The following GNPAT variants were observed in gnomAD, a reference collection of about 807,000 sequenced individuals.
GNPAT encodes dihydroxyacetone phosphate acyltransferase.
GNPAT carries 30 observed loss-of-function variants against 78.4 expected under a neutral mutation model. The ratio of observed to expected loss-of-function variants is 0.38; its 90% CI spans 0.29 to 0.52. The LOEUF is 0.52. Ranked by LOEUF, GNPAT falls within the 20% of genes least tolerant of loss-of-function variation. GNPAT has a pLI of 0.84. For missense variants in GNPAT, 714 were observed against 812.2 expected (o/e 0.88, Z 1.47); for synonymous variants, 271 against 281.1 (o/e 0.96, Z 0.36).
intron 1 of GNPAT, among the ~76,000 whole-genome samples, chr1:231,248,611 C>T (rs1684812940): frequency 6.6e-6 from 1 of 151,848 alleles, no homozygotes; most frequent in Non-Finnish European, 1.5e-5. Flanking sequence ...TGTAAGTAGA[C>T]CTGTGCAGTT....
intron 2 of GNPAT, among the ~76,000 whole-genome samples, chr1:231,254,214 C>T (rs1684979292): frequency 6.6e-6 from 1 of 152,224 alleles, no homozygotes; most frequent in Non-Finnish European, 1.5e-5. Context: ...TCTGACTTGG[C>T]TGTGCTGCTG....
Position 231,246,110 on chromosome 1 carries a change from G to A in GNPAT, c.78+4654G>A, listed in dbSNP as rs567143407. On this transcript the variant is annotated intron_variant, in intron 1 of 15. Transcript: ENST00000366647. ...CTTGAGATTATTTGTCTATCGTGCT[G>A]GAAGGTGGAGATCCTGTATCCTGTA... Among the ~76,000 whole-genome samples the A allele has an allele frequency of 2.0e-5, 3 of 152,266 alleles. No individual in the cohort carries two copies. In the South Asian group the frequency reaches 6.2e-4, roughly 32 times the overall value.
intron 8 of GNPAT, among the ~76,000 whole-genome samples, chr1:231,267,288 T>C (rs1051661488): frequency 3.3e-5 from 5 of 152,170 alleles, no homozygotes; most frequent in Admixed American, 6.5e-5. Flanking sequence ...AAAATAGTTA[T>C]TATATAATCT....
intron 11 of GNPAT, 111 bp from the exon 12 acceptor site, chr1:231,273,811 A>C (rs1685634354): frequency 2.4e-6 from 2 of 828,490 alleles, no homozygotes; most frequent in East Asian, 5.1e-5. Context: ...GTGGCTGCAT[A>C]TATTCAGATA....
At chr1:231,241,586 A>T (rs1206161162) in intron 1 of GNPAT, 130 bp downstream of exon 1, 1 of 744,808 alleles carries the variant, frequency 1.3e-6, no homozygotes, top group Non-Finnish European at 2.4e-6. Flanking sequence ...AGGAGGGGTT[A>T]GTTGGTTGGA....
chr1:231,253,354 A>C (rs1229894960), intron 2 of GNPAT, among the ~76,000 whole-genome samples: 1 of 152,228 alleles, frequency 6.6e-6, no homozygotes, highest in Non-Finnish European at 1.5e-5. Context: ...TTTGTTCTGC[A>C]ACTTCCTCTC....
At position 231,247,498 on chromosome 1, in the gene GNPAT, A is replaced by G. The variant is rs115755533; in HGVS notation, c.79-3463A>G. Among the ~76,000 whole-genome samples the G allele has an allele frequency of 7.9e-3, 1,203 of 152,294 alleles. 22 individuals carry two copies. Among genetic ancestry groups the G allele is most frequent in the African/African-American group, 0.027 (1,135 of 41,560 alleles). On this transcript the variant is annotated intron_variant, in intron 1 of 15. Coordinates refer to ENST00000366647, the MANE Select transcript of GNPAT (RefSeq NM_014236.4). ...AAGGAAAGGATGACCTGTTCAATCT[A>G]GGTAAAGGGGAGAACCAGAATATGG... is the stretch of plus-strand genomic sequence containing the variant.
chr1:231,263,376 C>A (rs1685277899), intron 4 of GNPAT, among the ~76,000 whole-genome samples: 2 of 152,152 alleles, frequency 1.3e-5, no homozygotes, highest in Non-Finnish European at 2.9e-5. Context: ...CTACCCTCCC[C>A]CTGACCCTGG....
At chr1:231,255,246 T>C (rs1182936892) in intron 2 of GNPAT, among the ~76,000 whole-genome samples, 1 of 152,104 alleles carries the variant, frequency 6.6e-6, no homozygotes, top group Non-Finnish European at 1.5e-5. Flanking sequence ...AACTTTGCTC[T>C]CCTGACTATC....
chr1:231,253,272 C>T (rs887447357), intron 2 of GNPAT, among the ~76,000 whole-genome samples: 1 of 152,128 alleles, frequency 6.6e-6, no homozygotes, highest in Admixed American at 6.5e-5. Context: ...CCCGGCCTAC[C>T]TCCAGTTTTT....
At chr1:231,246,273 G>C (rs894419198) in intron 1 of GNPAT, among the ~76,000 whole-genome samples, 1 of 152,166 alleles carries the variant, frequency 6.6e-6, no homozygotes, top group African/African-American at 2.4e-5. Context: ...CCCATATCAA[G>C]CGTTAAATGG....
intron 1 of GNPAT, 60 bp from the exon 2 acceptor site, chr1:231,250,901 T>C: frequency 9.1e-7 from 1 of 1,103,704 alleles, no homozygotes; most frequent in Non-Finnish European, 1.4e-6. Flanking sequence ...CAATGTAGTC[T>C]TTAATCTGTC....
chr1:231,277,516 G>A lies in GNPAT; in HGVS notation c.2017G>A (p.Gly673Arg). ...CATCTTAGGTTGTAAGACACCAATA[G>A]GAAAACCAGCCACTGCAAAACTTTA... is the stretch of plus-strand genomic sequence containing the variant. ...EEMLGCKTPI[G>R]KPATAKL is the part of the protein sequence containing the mutation. Residue 673 changes from glycine to arginine, a missense_variant, in exon 16 of 16, where the codon GGA becomes AGA. Gly to Arg is a moderately radical substitution (Grantham distance 125). Transcript: ENST00000366647. 6.3e-7 allele frequency: 1 copy of A among 1,596,252 alleles called. No homozygotes were observed. The highest frequency in any genetic ancestry group is 8.6e-7 in the Non-Finnish European group (1 of 1,163,740).
At chr1:231,254,107 C>G (rs1684976062) in intron 2 of GNPAT, among the ~76,000 whole-genome samples, 1 of 152,216 alleles carries the variant, frequency 6.6e-6, no homozygotes, top group Non-Finnish European at 1.5e-5. Flanking sequence ...CCACCATGCC[C>G]AGCCTTCTGC....
At chr1:231,254,736 T>C (rs1684998193) in intron 2 of GNPAT, among the ~76,000 whole-genome samples, 1 of 151,660 alleles carries the variant, frequency 6.6e-6, no homozygotes, top group East Asian at 1.9e-4. Context: ...GCGTGAGCCA[T>C]TGCGTCCGGC....
chr1:231,255,277 CTTCT>C (rs1685017710), intron 2 of GNPAT, among the ~76,000 whole-genome samples: 1 of 152,116 alleles, frequency 6.6e-6, no homozygotes, highest in African/African-American at 2.4e-5. Flanking sequence ...TCTTCAACTA[CTTCT>C]TTATTAGCTC....
Position 231,241,414 on chromosome 1 carries a change from C to T in GNPAT, c.36C>T (p.Ser12=), listed in dbSNP as rs779709772. The change falls in exon 1 of 16, where the codon TCC becomes TCT. Residue 12 remains serine (S), a synonymous_variant. Coordinates refer to ENST00000366647, the MANE Select transcript of GNPAT (RefSeq NM_014236.4). The part of the protein sequence containing the change: ...ESSSSSNSYF[S]VGPTSPSAVV... ...CCAGTTCATCTAACTCTTATTTCTC[C>T]GTTGGCCCAACCAGTCCCAGCGCTG... 1.2e-6 allele frequency: 2 copies of T among 1,613,792 alleles called. No individual in the cohort carries two copies. Among genetic ancestry groups the T allele is most frequent in the Admixed American group, 1.7e-5 (1 of 60,014 alleles).
At chr1:231,243,750 T>C (rs927475568) in intron 1 of GNPAT, among the ~76,000 whole-genome samples, 1 of 152,116 alleles carries the variant, frequency 6.6e-6, no homozygotes, top group African/African-American at 2.4e-5. Context: ...AAAGGAGACA[T>C]GAGAAACAAA....
chr1:231,269,791 T>C (rs1309263288), intron 9 of GNPAT: 1 of 152,238 alleles, frequency 6.6e-6, no homozygotes, highest in Non-Finnish European at 1.5e-5. Context: ...ATAAATGCCA[T>C]AACTAATCCA....
Sources: gnomAD v4.1 joint callset for allele counts (sites outside exome capture counted in the v4.1 genomes callset) on GRCh38, gnomAD v4.1.1 for gene constraint, MANE v1.5 for transcripts, NCBI Gene and HGNC (gene_info 2026-07-23, HGNC 2026-07-21) for gene names.